Variants in ZNF829 observed in about 807,000 individuals in gnomAD.
ZNF829 encodes the protein zinc finger protein 829.
ZNF829 carries 25 observed loss-of-function variants against 35.2 expected under a neutral mutation model. The observed-to-expected ratio is 0.71, with a 90% CI of 0.52 to 0.99. ZNF829 has a LOEUF of 0.99. Among genes scored for constraint, ZNF829 ranks in the 50% least tolerant of loss-of-function variants. The pLI, the probability that ZNF829 is intolerant of heterozygous loss-of-function variation, is 0.00. For synonymous variants in ZNF829, 136 were observed against 163.2 expected, an observed-to-expected ratio of 0.83 and a Z score of 1.27; for missense variants, 417 against 515.3, an observed-to-expected ratio of 0.81 and a Z score of 1.85.
intron 5 of ZNF829, among the ~76,000 whole-genome samples, chr19:36,902,972 G>C (rs1369538550): frequency 6.6e-6 from 1 of 152,122 alleles, no homozygotes; most frequent in African/African-American, 2.4e-5. Context: ...GGAGGCGGAG[G>C]TTGTAGTGAG....
In ZNF829 at chr19:36,914,958, A is replaced by C; in HGVS notation, c.96+7T>G. The C allele has an allele frequency of 6.2e-7, 1 of 1,614,110 alleles. No individual in the cohort carries two copies. Among genetic ancestry groups the C allele is most frequent in the Non-Finnish European group, 8.5e-7 (1 of 1,179,980 alleles). On this transcript the variant is annotated splice_region_variant and intron_variant, in intron 3 of 5. Coordinates refer to ENST00000391711, the MANE Select transcript of ZNF829 (RefSeq NM_001037232.4). ...TTTCAGAAGAAAAAGAGGAAACCCCAACACACCTTGGATACTGCTTGTAGA... is the reference window on the plus strand; with the variant it reads ...TTTCAGAAGAAAAAGAGGAAACCCCCACACACCTTGGATACTGCTTGTAGA...
At chr19:36,904,086 A>G (rs1443580023) in intron 5 of ZNF829, among the ~76,000 whole-genome samples, 3 of 152,210 alleles carry the variant, frequency 2.0e-5, no homozygotes, top group South Asian at 2.1e-4. Flanking sequence ...CATAACACCA[A>G]TGGGGATGCA....
chr19:36,902,982 G>T (rs1306540610), intron 5 of ZNF829, among the ~76,000 whole-genome samples: 5 of 151,924 alleles, frequency 3.3e-5, no homozygotes, highest in African/African-American at 9.7e-5. Flanking sequence ...GTTGTAGTGA[G>T]CCGAGATCAC....
Position 36,890,597 on chromosome 19 carries a change from T to G in ZNF829, c.*895A>C, listed in dbSNP as rs1312288681. The G allele has an allele frequency of 6.6e-6, 1 of 151,776 alleles. No individual in the cohort carries two copies. The highest frequency in any genetic ancestry group is 1.5e-5 in the Non-Finnish European group (1 of 67,994). The allele number at this position is 151,776 out of a possible 1,614,324, so 9.4% of individuals were successfully genotyped here. Reference sequence around the variant, plus strand: ...GGCTCACGTCTGTAATCCCAGCACTTTGGGAGGCTGAGGCGGGCAGATCAC... The same window carrying G: ...GGCTCACGTCTGTAATCCCAGCACTGTGGGAGGCTGAGGCGGGCAGATCAC... On this transcript the variant is annotated 3_prime_UTR_variant, in exon 6 of 6. Transcript: ENST00000391711.
At position 36,896,532 on chromosome 19, in the gene ZNF829, G is replaced by A. The variant is rs1436079732; in HGVS notation, c.320-4061C>T. ...AGACTCCCATAAAATAATAGTACGG[G>A]ATTTGAACATCCCACTCTCAGCATT... On this transcript the variant is annotated intron_variant, in intron 5 of 5. Transcript: ENST00000391711. 4.6e-5 allele frequency among the ~76,000 whole-genome samples: 7 copies of A among 152,054 alleles called. No homozygotes were observed. The South Asian group carries it at 1.2e-3, about 27-fold the overall frequency.
intron 5 of ZNF829, among the ~76,000 whole-genome samples, chr19:36,902,512 G>A (rs564866378): frequency 5.3e-5 from 8 of 152,086 alleles, no homozygotes; most frequent in Admixed American, 6.6e-5. Flanking sequence ...CCGTGCACCT[G>A]TAGTCCCAGC....
Position 36,891,774 on chromosome 19 carries a change from A to C in ZNF829, c.1017T>G (p.Leu339=). 2 of 1,614,132 alleles carry C rather than the reference A, an allele frequency of 1.2e-6. No individual in the cohort carries two copies. The highest frequency in any genetic ancestry group is 1.7e-6 in the Non-Finnish European group (2 of 1,180,012). The change falls in exon 6 of 6, where the codon CTT becomes CTG. Residue 339 remains leucine, a synonymous_variant. Transcript: ENST00000391711. The part of the protein sequence containing the change: ...CGKAFNSAST[L]TNHHRIHAGE... ...CAGCATGAATTCTGTGATGGTTAGT[A>C]AGTGTTGAGGCACTATTAAAGGCCT...
intron 3 of ZNF829, among the ~76,000 whole-genome samples, chr19:36,910,622 A>G (rs1198789622): frequency 6.6e-6 from 1 of 152,218 alleles, no homozygotes; most frequent in Non-Finnish European, 1.5e-5. Context: ...AAATACTTTT[A>G]AGACCTTTTC....
At chr19:36,915,332 G>A in intron 1 of ZNF829, 81 bp from the exon 2 acceptor site, 1 of 1,489,836 alleles carries the variant, frequency 6.7e-7, no homozygotes, top group East Asian at 2.5e-5. Flanking sequence ...TACATTTAGG[G>A]ACAGTCACAC....
At chr19:36,911,215 T>C (rs1220169257) in intron 3 of ZNF829, among the ~76,000 whole-genome samples, 2 of 144,548 alleles carry the variant, frequency 1.4e-5, no homozygotes, top group Non-Finnish European at 3.0e-5. Context: ...GGACTGAGTC[T>C]TTTTTTTTTT....
At chr19:36,907,886 ATC>A (rs1381151954) in intron 5 of ZNF829, 41 bp downstream of exon 5, 2 of 1,522,964 alleles carry the variant, frequency 1.3e-6, no homozygotes, top group African/African-American at 2.8e-5. Flanking sequence ...TCAGAAGTAT[ATC>A]TCTTTATAGC....
rs143770660 is a variant in ZNF829 at position 36,897,755 on chromosome 19, A to G, written c.320-5284T>C. ...TCCAGATTGGATAATAGAAAGTCAC[A>G]CTGTCCCTTTACAGATGACATGATC... On this transcript the variant is annotated intron_variant, in intron 5 of 5. Transcript: ENST00000391711. 2.2e-3 allele frequency among the ~76,000 whole-genome samples: 332 copies of G among 152,332 alleles called. 1 individual carries two copies. The highest frequency in any genetic ancestry group is 7.7e-3 in the African/African-American group (319 of 41,572).
At chr19:36,915,050 A>C (rs778163487) in intron 2 of ZNF829, 28 bp from the exon 3 acceptor site, 4 of 1,614,108 alleles carry the variant, frequency 2.5e-6, no homozygotes, top group Non-Finnish European at 1.7e-6. Flanking sequence ...TGGGAGAGGG[A>C]AGAGTAACTG....
At chr19:36,909,873 G>A (rs826287) in intron 3 of ZNF829, among the ~76,000 whole-genome samples, 3,657 of 151,544 alleles carry the variant, frequency 0.024, 156 homozygotes, top group African/African-American at 0.083. Flanking sequence ...GACAAAAAAT[G>A]AAGACTGTGG....
Position 36,893,563 on chromosome 19 carries a change from C to T in ZNF829, c.320-1092G>A, listed in dbSNP as rs181018144. 9.5e-4 allele frequency among the ~76,000 whole-genome samples: 144 copies of T among 152,078 alleles called. 2 individuals are homozygous for T. Among genetic ancestry groups the T allele is most frequent in the Admixed American group, 4.1e-3 (62 of 15,282 alleles). On this transcript the variant is annotated intron_variant, in intron 5 of 5. Coordinates refer to ENST00000391711, the MANE Select transcript of ZNF829 (RefSeq NM_001037232.4). Reference sequence around the variant, plus strand: ...TGATTGCTAAAAAGATGAGGAATAACGTATATAAATAATCTGATATAAAGT... The same window carrying T: ...TGATTGCTAAAAAGATGAGGAATAATGTATATAAATAATCTGATATAAAGT...
chr19:36,908,054 T>G (rs1600741144), intron 4 of ZNF829, 30 bp from the exon 5 acceptor site: 8 of 1,598,424 alleles, frequency 5.0e-6, no homozygotes, highest in South Asian at 1.1e-5. Flanking sequence ...TGGGACATGG[T>G]TATGCTGTGG....
At chr19:36,899,906 ATT>A (rs112933950) in intron 5 of ZNF829, among the ~76,000 whole-genome samples, 4,235 of 151,780 alleles carry the variant, frequency 0.028, 120 homozygotes, top group African/African-American at 0.074. Flanking sequence ...TCATATAAAA[ATT>A]TTTTTTTAAA....
intron 4 of ZNF829, 118 bp downstream of exon 4, chr19:36,908,215 A>G (rs1391371833): frequency 9.1e-6 from 13 of 1,422,202 alleles, no homozygotes. Flanking sequence ...AACTCAAACC[A>G]TTCCTTAGGG....
chr19:36,898,200 C>G (rs1165968133), intron 5 of ZNF829, among the ~76,000 whole-genome samples: 1 of 151,956 alleles, frequency 6.6e-6, no homozygotes, highest in Non-Finnish European at 1.5e-5. Context: ...TTCTATACAT[C>G]CACAATAATG....
Sources: gnomAD v4.1 joint callset for allele counts (sites outside exome capture counted in the v4.1 genomes callset) on GRCh38, gnomAD v4.1.1 for gene constraint, MANE v1.5 for transcripts, NCBI Gene and HGNC (gene_info 2026-07-23, HGNC 2026-07-21) for gene names.